The following CADM2 variants were observed in gnomAD, a reference collection of about 807,000 sequenced individuals.
CADM2 encodes immunoglobulin superfamily member 4D.
CADM2 carries 12 observed loss-of-function variants against 49.8 expected under a neutral mutation model. The ratio of observed to expected loss-of-function variants is 0.24; its 90% CI spans 0.15 to 0.39. The LOEUF is 0.39. Ranked by LOEUF, CADM2 falls within the 10% of genes least tolerant of loss-of-function variation. The pLI, the probability that CADM2 is intolerant of heterozygous loss-of-function variation, is 1.00. For synonymous variants in CADM2, 214 were observed against 175.4 expected, an observed-to-expected ratio of 1.22 and a Z score of -1.74; for missense variants, 378 against 492.3, an observed-to-expected ratio of 0.77 and a Z score of 2.20.
intron 1 of CADM2, among the ~76,000 whole-genome samples, chr3:85,037,494 T>C (rs1310902314): frequency 6.6e-6 from 1 of 152,212 alleles, no homozygotes; most frequent in Non-Finnish European, 1.5e-5. Flanking sequence ...TTTCTGTTCT[T>C]AGTTGCTTTT....
At chr3:85,079,596 A>G (rs2037083442) in intron 1 of CADM2, among the ~76,000 whole-genome samples, 1 of 151,884 alleles carries the variant, frequency 6.6e-6, no homozygotes, top group Non-Finnish European at 1.5e-5. Flanking sequence ...CTGGTATAAG[A>G]AAATCGTATA....
At chr3:85,958,402 A>T (rs1268207009) in intron 7 of CADM2, among the ~76,000 whole-genome samples, 2 of 151,946 alleles carry the variant, frequency 1.3e-5, no homozygotes, top group Non-Finnish European at 2.9e-5. Flanking sequence ...TTTCTCAAGG[A>T]TCTAGAACCA....
chr3:85,961,400 A>G (rs1012416368), intron 7 of CADM2, 69 bp from the exon 8 acceptor site: 6 of 1,298,962 alleles, frequency 4.6e-6, no homozygotes, highest in Non-Finnish European at 6.3e-6. Context: ...TAAAAAATTG[A>G]TTTACTAAAT....
intron 1 of CADM2, among the ~76,000 whole-genome samples, chr3:85,126,309 G>A (rs72905294): frequency 0.069 from 10,506 of 152,008 alleles, 1,215 homozygotes; most frequent in African/African-American, 0.24. Flanking sequence ...TAGGAGCAGG[G>A]AATACCACAG....
chr3:85,722,639 A>G (rs1452622748), intron 1 of CADM2, among the ~76,000 whole-genome samples: 1 of 152,206 alleles, frequency 6.6e-6, no homozygotes, highest in Non-Finnish European at 1.5e-5. Context: ...AGTAAGCTCT[A>G]TATTACCCAT....
chr3:84,965,782 GA>G (rs2030932487), intron 1 of CADM2, among the ~76,000 whole-genome samples: 1 of 152,120 alleles, frequency 6.6e-6, no homozygotes. Context: ...CCTGTACTAT[GA>G]AAATATAGCA....
chr3:85,892,241 T>A (rs575516666), intron 5 of CADM2, among the ~76,000 whole-genome samples: 1 of 152,214 alleles, frequency 6.6e-6, no homozygotes, highest in Non-Finnish European at 1.5e-5. Context: ...TGGTGAATGA[T>A]CTGGACAGAT....
At chr3:86,012,892 G>C (rs1445387725) in intron 8 of CADM2, 3 of 572,604 alleles carry the variant, frequency 5.2e-6, no homozygotes, top group Non-Finnish European at 9.5e-6. Context: ...GGAGAATGGC[G>C]TGAACCCGGG....
At chr3:85,216,526 A>C (rs1399320101) in intron 1 of CADM2, among the ~76,000 whole-genome samples, 1 of 151,866 alleles carries the variant, frequency 6.6e-6, no homozygotes, top group Non-Finnish European at 1.5e-5. Flanking sequence ...AAATTACAGA[A>C]GACATGCCCA....
At chr3:85,891,664 T>A (rs758191312) in intron 5 of CADM2, among the ~76,000 whole-genome samples, 2 of 152,196 alleles carry the variant, frequency 1.3e-5, no homozygotes, top group Non-Finnish European at 2.9e-5. Flanking sequence ...ATAGCTATGC[T>A]GTGAATTGTT....
At chr3:85,137,870 T>C (rs1383810467) in intron 1 of CADM2, among the ~76,000 whole-genome samples, 1 of 152,132 alleles carries the variant, frequency 6.6e-6, no homozygotes, top group African/African-American at 2.4e-5. Flanking sequence ...TGGAATATAT[T>C]ATGTATAAAA....
chr3:85,701,923 GAAGA>G (rs1270127763), intron 1 of CADM2, among the ~76,000 whole-genome samples: 6 of 150,016 alleles, frequency 4.0e-5, no homozygotes, highest in African/African-American at 1.2e-4. Flanking sequence ...AAAGAAAAAG[GAAGA>G]AAGAAAAAGA....
chr3:85,601,830 T>C (rs2063415510), intron 1 of CADM2, among the ~76,000 whole-genome samples: 1 of 151,810 alleles, frequency 6.6e-6, no homozygotes, highest in Non-Finnish European at 1.5e-5. Context: ...CTCTTCTTAA[T>C]TGTGTCTGTT....
intron 8 of CADM2, among the ~76,000 whole-genome samples, chr3:86,008,081 A>G (rs1351470088): frequency 1.3e-5 from 2 of 152,214 alleles, no homozygotes; most frequent in African/African-American, 4.8e-5. Context: ...TAACCACAGC[A>G]TTCTCAAATA....
chr3:85,539,757 A>G (rs2061500730), intron 1 of CADM2, among the ~76,000 whole-genome samples: 1 of 152,128 alleles, frequency 6.6e-6, no homozygotes, highest in African/African-American at 2.4e-5. Flanking sequence ...TTTCAGCTTG[A>G]GCAACTTGGT....
intron 1 of CADM2, among the ~76,000 whole-genome samples, chr3:85,505,094 C>T (rs960958278): frequency 4.4e-4 from 67 of 152,264 alleles, no homozygotes; most frequent in African/African-American, 9.6e-4. Flanking sequence ...GAGCCGGCTC[C>T]GGCCTTGGCC....
intron 1 of CADM2, among the ~76,000 whole-genome samples, chr3:85,342,665 G>T (rs969355907): frequency 6.6e-6 from 1 of 151,996 alleles, no homozygotes; most frequent in African/African-American, 2.4e-5. Context: ...GTTTGGACAG[G>T]CCTCTGCTTT....
chr3:85,270,039 T>C (rs948180887), intron 1 of CADM2, among the ~76,000 whole-genome samples: 2 of 151,238 alleles, frequency 1.3e-5, no homozygotes, highest in Non-Finnish European at 3.0e-5. Flanking sequence ...AATAGGTGTT[T>C]TTCAGGTATC....
intron 1 of CADM2, among the ~76,000 whole-genome samples, chr3:85,580,058 G>A (rs1576855214): frequency 6.6e-6 from 1 of 152,046 alleles, no homozygotes; most frequent in Non-Finnish European, 1.5e-5. Flanking sequence ...TGACATCTAC[G>A]TTTTGAGGAT....
Sources: gnomAD v4.1 joint callset for allele counts (sites outside exome capture counted in the v4.1 genomes callset) on GRCh38, gnomAD v4.1.1 for gene constraint, MANE v1.5 for transcripts, NCBI Gene and HGNC (gene_info 2026-07-23, HGNC 2026-07-21) for gene names.